Variants in CDKAL1 observed in about 807,000 individuals in gnomAD.
CDKAL1 encodes threonylcarbamoyladenosine tRNA methylthiotransferase.
In CDKAL1, 32 loss-of-function variants were observed where a neutral mutation model predicts 68.2. That is an observed-to-expected ratio of 0.47 (90% CI 0.35 to 0.63). The LOEUF (loss-of-function observed/expected upper bound fraction) is 0.63. Among genes scored for constraint, CDKAL1 ranks in the 30% least tolerant of loss-of-function variants. The pLI, the probability that CDKAL1 is intolerant of heterozygous loss-of-function variation, is 0.00. For missense variants in CDKAL1, 606 were observed against 696.7 expected (o/e 0.87, Z 1.47); for synonymous variants, 234 against 244.3 (o/e 0.96, Z 0.39).
intron 14 of CDKAL1, among the ~76,000 whole-genome samples, chr6:21,200,539 A>G (rs1778646593): frequency 6.6e-6 from 1 of 152,328 alleles, no homozygotes; most frequent in South Asian, 2.1e-4. Flanking sequence ...TTTTCAAACC[A>G]TTACTCTGAC....
At chr6:20,648,908 A>C (rs1768614664) in intron 4 of CDKAL1, among the ~76,000 whole-genome samples, 1 of 152,214 alleles carries the variant, frequency 6.6e-6, no homozygotes, top group Non-Finnish European at 1.5e-5. Flanking sequence ...AAGCTGAAGA[A>C]TATTCAGTGT....
chr6:21,223,615 C>T (rs554101560), intron 15 of CDKAL1, among the ~76,000 whole-genome samples: 2 of 152,280 alleles, frequency 1.3e-5, no homozygotes, highest in African/African-American at 4.8e-5. Flanking sequence ...GAAGCCCAAG[C>T]CCATCCAGCC....
chr6:21,080,522 C>G (rs1380149666), intron 12 of CDKAL1, among the ~76,000 whole-genome samples: 5 of 152,108 alleles, frequency 3.3e-5, no homozygotes, highest in African/African-American at 1.2e-4. Flanking sequence ...CAGGTAATAT[C>G]TTTTTTAAGA....
intron 5 of CDKAL1, among the ~76,000 whole-genome samples, chr6:20,724,982 G>A (rs1157731861): frequency 3.9e-5 from 6 of 152,102 alleles, no homozygotes; most frequent in South Asian, 2.1e-4. Context: ...CATTCTTGGC[G>A]AATGTGATAA....
At chr6:20,736,496 G>A (rs1773199640) in intron 5 of CDKAL1, among the ~76,000 whole-genome samples, 1 of 151,986 alleles carries the variant, frequency 6.6e-6, no homozygotes, top group African/African-American at 2.4e-5. Context: ...TCCGGCCGGG[G>A]GCGGTGGCTC....
At chr6:20,724,347 A>T (rs1482317793) in intron 5 of CDKAL1, among the ~76,000 whole-genome samples, 1 of 152,240 alleles carries the variant, frequency 6.6e-6, no homozygotes, top group Non-Finnish European at 1.5e-5. Context: ...TAAAAGATGT[A>T]AAAAGACTTT....
At chr6:20,572,078 T>C (rs1375356066) in intron 4 of CDKAL1, among the ~76,000 whole-genome samples, 3 of 152,178 alleles carry the variant, frequency 2.0e-5, no homozygotes, top group Non-Finnish European at 2.9e-5. Flanking sequence ...TAAAATGATA[T>C]TCTAATCTAT....
chr6:21,105,899 G>A (rs78209732), intron 12 of CDKAL1, among the ~76,000 whole-genome samples: 1 of 152,152 alleles, frequency 6.6e-6, no homozygotes, highest in African/African-American at 2.4e-5. Context: ...TTCAATATCT[G>A]TTCTAAAAAC....
At chr6:21,119,286 A>G (rs1217286147) in intron 13 of CDKAL1, among the ~76,000 whole-genome samples, 1 of 152,228 alleles carries the variant, frequency 6.6e-6, no homozygotes, top group African/African-American at 2.4e-5. Flanking sequence ...CATCTAGCAC[A>G]CAGTAAGTGC....
chr6:21,062,966 G>A lies in CDKAL1; in HGVS notation c.1056-2082G>A, dbSNP rs547031625. On this transcript the variant is annotated intron_variant, in intron 11 of 15. Coordinates refer to ENST00000274695, the MANE Select transcript of CDKAL1 (RefSeq NM_017774.3). The stretch of plus-strand genomic sequence containing the variant: ...GTCTTGTTCTGTCACCCAGACTGGA[G>A]TGCAGTGGCGCGATGTCGGCTCACT... 3.3e-5 allele frequency among the ~76,000 whole-genome samples: 5 copies of A among 152,284 alleles called. No homozygotes were observed. In the East Asian group the frequency reaches 9.6e-4, roughly 29 times the overall value.
At chr6:21,191,393 T>C (rs1483479353) in intron 13 of CDKAL1, among the ~76,000 whole-genome samples, 1 of 152,196 alleles carries the variant, frequency 6.6e-6, no homozygotes, top group Non-Finnish European at 1.5e-5. Context: ...GTGACACAAA[T>C]GACACAGCTA....
chr6:20,822,843 A>C (rs914052789), intron 8 of CDKAL1, among the ~76,000 whole-genome samples: 4 of 152,088 alleles, frequency 2.6e-5, no homozygotes, highest in African/African-American at 7.2e-5. Flanking sequence ...GCCATGCTGA[A>C]TTGTGAGTCA....
chr6:21,024,133 G>C (rs1472193072), intron 11 of CDKAL1, among the ~76,000 whole-genome samples: 1 of 149,944 alleles, frequency 6.7e-6, no homozygotes, highest in African/African-American at 2.4e-5. Flanking sequence ...ATTAACATCT[G>C]TTAGGTTACA....
At chr6:20,912,417 A>G (rs1200193598) in intron 9 of CDKAL1, among the ~76,000 whole-genome samples, 1 of 152,142 alleles carries the variant, frequency 6.6e-6, no homozygotes, top group Non-Finnish European at 1.5e-5. Context: ...AGGGAAGTGT[A>G]GTGTGTTGGT....
At chr6:20,732,263 C>CTTT (rs56911987) in intron 5 of CDKAL1, among the ~76,000 whole-genome samples, 3,221 of 83,472 alleles carry the variant, frequency 0.039, 88 homozygotes, top group African/African-American at 0.083. Context: ...TTCTTTCTTT[C>CTTT]TTTTTTTTTT....
chr6:20,536,591 G>A (rs1238862818), intron 2 of CDKAL1, among the ~76,000 whole-genome samples: 1 of 152,110 alleles, frequency 6.6e-6, no homozygotes, highest in Non-Finnish European at 1.5e-5. Context: ...CTGGGACAGT[G>A]ATTATCAAAC....
intron 14 of CDKAL1, 54 bp downstream of exon 14, chr6:21,198,158 A>G: frequency 7.9e-7 from 1 of 1,271,598 alleles, no homozygotes; most frequent in Non-Finnish European, 1.1e-6. Flanking sequence ...AAGAGTTCTG[A>G]AAGTTTAAGC....
At chr6:20,866,220 T>G (rs1347639163) in intron 9 of CDKAL1, among the ~76,000 whole-genome samples, 2 of 151,974 alleles carry the variant, frequency 1.3e-5, no homozygotes, top group Non-Finnish European at 2.9e-5. Flanking sequence ...GGCCAACAGA[T>G]AGAAAAAATA....
chr6:20,653,577 G>A (rs778241009), intron 5 of CDKAL1, among the ~76,000 whole-genome samples: 5 of 151,172 alleles, frequency 3.3e-5, no homozygotes, highest in Admixed American at 6.6e-5. Context: ...TCAGCCTCCC[G>A]GGTACCTGGG....
Sources: gnomAD v4.1 joint callset for allele counts (sites outside exome capture counted in the v4.1 genomes callset) on GRCh38, gnomAD v4.1.1 for gene constraint, MANE v1.5 for transcripts, NCBI Gene and HGNC (gene_info 2026-07-23, HGNC 2026-07-21) for gene names.